Variants in KPNA4 observed in about 807,000 individuals in gnomAD.
KPNA4 encodes karyopherin subunit alpha 4.
In KPNA4, 13 loss-of-function variants were observed where a neutral mutation model predicts 71.3. The ratio of observed to expected loss-of-function variants is 0.18; its 90% confidence interval spans 0.12 to 0.29. The LOEUF is 0.29. Among genes scored for constraint, KPNA4 ranks in the 10% least tolerant of loss-of-function variants. The probability of loss-of-function intolerance (pLI) is 1.00; values close to 1 mark genes in which losing one functional copy is unlikely to be tolerated. For missense variants in KPNA4, 334 were observed against 603.2 expected (o/e 0.55, Z 4.67); for synonymous variants, 189 against 195.2 (o/e 0.97, Z 0.26).
Position 160,525,854 on chromosome 3 carries a change from GA to G in KPNA4, c.727-11del. ...AAAGGGCTGGAAGAATCTGAGGAGAGAAATATGTAGATTTAAAAACATACAC... is the reference window on the plus strand; with the variant it reads ...AAAGGGCTGGAAGAATCTGAGGAGAGAATATGTAGATTTAAAAACATACAC... On this transcript the variant is annotated splice_polypyrimidine_tract_variant and intron_variant, in intron 9 of 16. Transcript: ENST00000334256. 6.4e-7 allele frequency: 1 copy of G among 1,551,180 alleles called. No individual in the cohort carries two copies. The highest frequency in any genetic ancestry group is 8.7e-7 in the Non-Finnish European group (1 of 1,150,756).
At chr3:160,539,598 G>C (rs7640072) in intron 1 of KPNA4, among the ~76,000 whole-genome samples, 72,966 of 151,962 alleles carry the variant, frequency 0.48, 18,319 homozygotes, top group Non-Finnish European at 0.55. Flanking sequence ...AGCAAAAGTA[G>C]TATTACCAAC....
At position 160,530,958 on chromosome 3, in the gene KPNA4, T is replaced by C; in HGVS notation, c.384-18A>G. On this transcript the variant is annotated intron_variant, in intron 6 of 16. Coordinates refer to ENST00000334256, the MANE Select transcript of KPNA4 (RefSeq NM_002268.5). ...AAGAAGGACTACAAAAAAAAACAAG[T>C]ATTTTTAAACAGCAGGGATTTTTAC... is the stretch of plus-strand genomic sequence containing the variant. 6.3e-7 allele frequency: 1 copy of C among 1,577,484 alleles called. No individual in the cohort carries two copies. Among genetic ancestry groups the C allele is most frequent in the South Asian group, 1.2e-5 (1 of 86,478 alleles).
At chr3:160,528,276 T>A (rs1387924256) in intron 7 of KPNA4, among the ~76,000 whole-genome samples, 2 of 152,194 alleles carry the variant, frequency 1.3e-5, no homozygotes, top group African/African-American at 4.8e-5. Flanking sequence ...TTGTGAAATT[T>A]CATTAACAAT....
intron 16 of KPNA4, among the ~76,000 whole-genome samples, chr3:160,504,013 G>A (rs1720934991): frequency 6.6e-6 from 1 of 152,158 alleles, no homozygotes; most frequent in African/African-American, 2.4e-5. Flanking sequence ...GAGCCAGGGA[G>A]GGGGAGGTTG....
At chr3:160,527,884 T>C (rs976370545) in intron 8 of KPNA4, 69 bp downstream of exon 8, 9 of 1,152,938 alleles carry the variant, frequency 7.8e-6, no homozygotes, top group African/African-American at 1.5e-5. Flanking sequence ...TTTGGATTAC[T>C]AGTAGCTATT....
intron 6 of KPNA4, 94 bp downstream of exon 6, chr3:160,531,368 T>C (rs913926734): frequency 3.2e-6 from 2 of 630,800 alleles, no homozygotes; most frequent in Non-Finnish European, 2.5e-6. Flanking sequence ...AGCCCTTTTC[T>C]TCTTTCTTTA....
Position 160,508,284 on chromosome 3 carries a change from C to T in KPNA4, c.1210-15G>A, listed in dbSNP as rs1721025821. 3 of 1,569,874 alleles carry T rather than the reference C, an allele frequency of 1.9e-6. No individual in the cohort carries two copies. Among genetic ancestry groups the T allele is most frequent in the Non-Finnish European group, 2.6e-6 (3 of 1,156,408 alleles). On this transcript the variant is annotated splice_polypyrimidine_tract_variant and intron_variant, in intron 14 of 16. Coordinates refer to ENST00000334256, the MANE Select transcript of KPNA4 (RefSeq NM_002268.5). ...AGGTAAGCCACCTGAAGAATAAAAA[C>T]AACATAAAATAATGCAATATAGGTA...
chr3:160,556,298 G>A (rs1350039541), intron 1 of KPNA4, among the ~76,000 whole-genome samples: 4 of 152,204 alleles, frequency 2.6e-5, no homozygotes, highest in Non-Finnish European at 4.4e-5. Context: ...CTGCCAAACT[G>A]CATTCCAAAG....
chr3:160,546,808 G>A, intron 1 of KPNA4, among the ~76,000 whole-genome samples: 1 of 152,028 alleles, frequency 6.6e-6, no homozygotes, highest in East Asian at 1.9e-4. Context: ...AAGACTTAGA[G>A]CTTCTAACCC....
intron 10 of KPNA4, among the ~76,000 whole-genome samples, chr3:160,523,187 T>C (rs927177956): frequency 1.3e-5 from 2 of 152,268 alleles, no homozygotes; most frequent in Admixed American, 6.5e-5. Context: ...AACAATAAAC[T>C]AGGCAGGGAG....
chr3:160,526,841 G>T (rs1030846281), intron 8 of KPNA4, among the ~76,000 whole-genome samples: 1 of 152,056 alleles, frequency 6.6e-6, no homozygotes. Flanking sequence ...TGTTAATTAC[G>T]GAATGTCACT....
In KPNA4 at chr3:160,537,915, T is replaced by C. The variant is rs967018726; in HGVS notation, c.70-1075A>G. Reference sequence around the variant, plus strand: ...TACCATTATCTCTCAACTAGATAACTGTGAAAGTCTCCTAACATGTAGCCC... The same window carrying C: ...TACCATTATCTCTCAACTAGATAACCGTGAAAGTCTCCTAACATGTAGCCC... On this transcript the variant is annotated intron_variant, in intron 1 of 16. Coordinates refer to ENST00000334256, the MANE Select transcript of KPNA4 (RefSeq NM_002268.5). Among the ~76,000 whole-genome samples, 4 of 151,830 alleles carry C rather than the reference T, an allele frequency of 2.6e-5. No homozygotes were observed. In the East Asian group the frequency reaches 5.8e-4, roughly 22 times the overall value.
At chr3:160,518,282 C>T (rs1721270219) in intron 11 of KPNA4, among the ~76,000 whole-genome samples, 1 of 151,668 alleles carries the variant, frequency 6.6e-6, no homozygotes, top group Non-Finnish European at 1.5e-5. Flanking sequence ...ACTACAGGCG[C>T]CCGCTACCAC....
At chr3:160,550,402 T>A (rs1266075641) in intron 1 of KPNA4, among the ~76,000 whole-genome samples, 1 of 152,186 alleles carries the variant, frequency 6.6e-6, no homozygotes, top group Non-Finnish European at 1.5e-5. Flanking sequence ...GGACTCCATG[T>A]GCATGCCTGC....
At chr3:160,535,066 T>G (rs578020501) in intron 5 of KPNA4, among the ~76,000 whole-genome samples, 1 of 152,134 alleles carries the variant, frequency 6.6e-6, no homozygotes, top group Non-Finnish European at 1.5e-5. Context: ...TACACTGACA[T>G]AGTAACATTA....
chr3:160,551,299 A>G (rs1266233599), intron 1 of KPNA4, among the ~76,000 whole-genome samples: 1 of 152,246 alleles, frequency 6.6e-6, no homozygotes, highest in Non-Finnish European at 1.5e-5. Flanking sequence ...TCTTTTCTCT[A>G]CAAAAACATA....
At chr3:160,546,777 A>C (rs964028237) in intron 1 of KPNA4, among the ~76,000 whole-genome samples, 16 of 152,136 alleles carry the variant, frequency 1.1e-4, no homozygotes, top group Admixed American at 7.9e-4. Context: ...CACACTATTT[A>C]ATATGCTTAA....
chr3:160,520,998 T>C (rs1055154738), intron 11 of KPNA4, among the ~76,000 whole-genome samples: 1 of 152,184 alleles, frequency 6.6e-6, no homozygotes, highest in Non-Finnish European at 1.5e-5. Flanking sequence ...TTCTTTGGGA[T>C]AAATATTATG....
At chr3:160,532,964 C>T (rs995301594) in intron 5 of KPNA4, among the ~76,000 whole-genome samples, 8 of 152,202 alleles carry the variant, frequency 5.3e-5, no homozygotes, top group African/African-American at 1.7e-4. Flanking sequence ...CTATGTTTTA[C>T]ATAACACCAT....
Sources: allele counts gnomAD v4.1 joint callset (sites outside exome capture counted in the v4.1 genomes callset), GRCh38; gene constraint gnomAD v4.1.1; transcripts MANE v1.5; gene names NCBI Gene and HGNC (gene_info 2026-07-23, HGNC 2026-07-21).